The following EPHA6 variants were observed in gnomAD, a reference collection of about 807,000 sequenced individuals.
The protein encoded by EPHA6 is EPH receptor A6, also known as ephrin type-A receptor 6.
In EPHA6, 50 loss-of-function variants were observed where a neutral mutation model predicts 112.0. That is an observed-to-expected ratio of 0.45 (90% CI 0.36 to 0.56). The LOEUF is 0.56. EPHA6 is among the 20% of genes least tolerant of loss of function. EPHA6 has a pLI of 0.00. For synonymous variants in EPHA6, 529 were observed against 490.7 expected, an observed-to-expected ratio of 1.08 and a Z score of -1.03; for missense variants, 1,280 against 1,417.4, an observed-to-expected ratio of 0.90 and a Z score of 1.56.
rs1456528947 is a variant in EPHA6, at chr3:97,755,591, C to G, written c.*6890C>G. Among the ~76,000 whole-genome samples, 1 of 152,138 alleles carries G rather than the reference C, an allele frequency of 6.6e-6. No homozygotes were observed. Among genetic ancestry groups the G allele is most frequent in the Non-Finnish European group, 1.5e-5 (1 of 67,990 alleles). On this transcript the variant is annotated 3_prime_UTR_variant, in exon 18 of 18. Transcript: ENST00000389672. ...TCATTATCCCTCGCTGAAGTGAGAACTATCTTTATCCCAAAATAATACATT... is the reference window on the plus strand; with the variant it reads ...TCATTATCCCTCGCTGAAGTGAGAAGTATCTTTATCCCAAAATAATACATT...
intron 1 of EPHA6, among the ~76,000 whole-genome samples, chr3:96,835,856 T>A (rs1157657210): frequency 2.6e-5 from 4 of 152,096 alleles, no homozygotes; most frequent in African/African-American, 9.7e-5. Context: ...TTAACAAATG[T>A]GGTGGAATGA....
intron 7 of EPHA6, among the ~76,000 whole-genome samples, chr3:97,473,539 G>T (rs967132534): frequency 4.0e-5 from 6 of 151,746 alleles, no homozygotes; most frequent in African/African-American, 1.5e-4. Flanking sequence ...TAACTACTAT[G>T]AAACTATATG....
chr3:97,326,010 G>C (rs2082402272), intron 5 of EPHA6, among the ~76,000 whole-genome samples: 1 of 135,938 alleles, frequency 7.4e-6, no homozygotes, highest in South Asian at 2.1e-4. Flanking sequence ...AGAGATTTAA[G>C]TAGTTTGATA....
chr3:96,982,578 G>A (rs2042840269), intron 2 of EPHA6, among the ~76,000 whole-genome samples: 1 of 152,108 alleles, frequency 6.6e-6, no homozygotes, highest in Admixed American at 6.5e-5. Context: ...GGTCCGCTTG[G>A]TGCAGAGCTG....
chr3:97,283,900 A>G (rs963247611), intron 5 of EPHA6, among the ~76,000 whole-genome samples: 46 of 152,316 alleles, frequency 3.0e-4, no homozygotes, highest in African/African-American at 7.2e-4. Context: ...CAAGGGATAC[A>G]CAATAAAGCA....
intron 1 of EPHA6, among the ~76,000 whole-genome samples, chr3:96,860,649 A>G (rs2035955401): frequency 6.6e-6 from 1 of 152,212 alleles, no homozygotes; most frequent in East Asian, 1.9e-4. Context: ...TGTGTAAGCA[A>G]TGGGGAACAT....
chr3:97,657,714 C>T (rs778266000), intron 14 of EPHA6, among the ~76,000 whole-genome samples: 19 of 151,806 alleles, frequency 1.3e-4, no homozygotes, highest in Non-Finnish European at 1.9e-4. Context: ...TTGAGACTAA[C>T]AGCCTAGGAG....
intron 8 of EPHA6, among the ~76,000 whole-genome samples, chr3:97,475,979 CCTGA>C (rs1012081916): frequency 1.1e-4 from 17 of 152,042 alleles, no homozygotes; most frequent in African/African-American, 2.4e-4. Flanking sequence ...AAATTTGAAT[CCTGA>C]CTAACTGGTC....
intron 1 of EPHA6, among the ~76,000 whole-genome samples, chr3:96,818,069 T>A (rs149211381): frequency 3.2e-4 from 48 of 152,070 alleles, no homozygotes; most frequent in African/African-American, 1.1e-3. Flanking sequence ...TCAATTAATT[T>A]TCCCTGTATT....
chr3:96,870,890 A>G (rs1246971149), intron 2 of EPHA6, among the ~76,000 whole-genome samples: 1 of 152,070 alleles, frequency 6.6e-6, no homozygotes, highest in Non-Finnish European at 1.5e-5. Flanking sequence ...TATATATTTC[A>G]TATAGTAAGA....
chr3:96,930,410 T>C (rs1323100887), intron 2 of EPHA6, among the ~76,000 whole-genome samples: 1 of 152,226 alleles, frequency 6.6e-6, no homozygotes, highest in Admixed American at 6.5e-5. Context: ...TGATGTTGTT[T>C]TCTGTTTATT....
chr3:97,465,804 T>C (rs1445816795), intron 7 of EPHA6, among the ~76,000 whole-genome samples: 2 of 152,054 alleles, frequency 1.3e-5, no homozygotes, highest in African/African-American at 4.8e-5. Flanking sequence ...CAAATTCATG[T>C]TACCATAAAC....
intron 2 of EPHA6, among the ~76,000 whole-genome samples, chr3:96,898,665 A>G (rs2038417487): frequency 6.6e-6 from 1 of 152,108 alleles, no homozygotes; most frequent in Admixed American, 6.5e-5. Context: ...CTTATATATC[A>G]TATATATTTT....
At chr3:97,618,885 AG>A (rs1360231145) in intron 13 of EPHA6, among the ~76,000 whole-genome samples, 2 of 152,260 alleles carry the variant, frequency 1.3e-5, no homozygotes, top group African/African-American at 4.8e-5. Flanking sequence ...AAAATTGAAA[AG>A]GAAGGACTCC....
At chr3:96,961,222 G>T (rs978669201) in intron 2 of EPHA6, among the ~76,000 whole-genome samples, 27 of 152,350 alleles carry the variant, frequency 1.8e-4, no homozygotes, top group African/African-American at 5.8e-4. Flanking sequence ...CACTTTTGTA[G>T]GCCCACAGAC....
intron 11 of EPHA6, among the ~76,000 whole-genome samples, chr3:97,548,015 C>T (rs182430990): frequency 5.3e-5 from 8 of 152,288 alleles, no homozygotes; most frequent in Middle Eastern, 3.4e-3. Flanking sequence ...TTGTGCTTCC[C>T]GGGTGAGGTG....
intron 14 of EPHA6, among the ~76,000 whole-genome samples, chr3:97,640,347 C>T (rs2093990182): frequency 6.6e-6 from 1 of 152,070 alleles, no homozygotes; most frequent in South Asian, 2.1e-4. Context: ...GGCCAATTTT[C>T]CTGGAATAAA....
intron 1 of EPHA6, among the ~76,000 whole-genome samples, chr3:96,833,784 G>T (rs185918221): frequency 8.5e-4 from 129 of 152,024 alleles, no homozygotes; most frequent in Non-Finnish European, 1.5e-3. Context: ...GTTGCATTAA[G>T]AACATTGCAA....
intron 5 of EPHA6, among the ~76,000 whole-genome samples, chr3:97,374,722 G>C (rs2085249588): frequency 6.6e-6 from 1 of 152,002 alleles, no homozygotes; most frequent in Non-Finnish European, 1.5e-5. Context: ...ATGCCCATGT[G>C]TATCCAGTTT....
Sources: gnomAD v4.1 joint callset for allele counts (sites outside exome capture counted in the v4.1 genomes callset) on GRCh38, gnomAD v4.1.1 for gene constraint, MANE v1.5 for transcripts, NCBI Gene and HGNC (gene_info 2026-07-23, HGNC 2026-07-21) for gene names.